Variants in ZEB1 observed in about 807,000 individuals in gnomAD.
ZEB1 encodes zinc finger E-box-binding homeobox 1.
Under a neutral mutation model 84.9 loss-of-function variants are expected in ZEB1, and 21 were observed. The observed-to-expected ratio is 0.25, with a 90% CI of 0.18 to 0.36. The LOEUF (loss-of-function observed/expected upper bound fraction) is 0.36, where lower values mean the gene tolerates loss of function less well. ZEB1 is among the 10% of genes least tolerant of loss of function. The pLI, the probability that ZEB1 is intolerant of heterozygous loss-of-function variation, is 1.00. For missense variants in ZEB1, 1,104 were observed against 1,330.2 expected, an observed-to-expected ratio of 0.83 and a Z score of 2.65; for synonymous variants, 420 against 471.1, an observed-to-expected ratio of 0.89 and a Z score of 1.41.
chr10:31,340,888 T>C (rs965844692), intron 1 of ZEB1, among the ~76,000 whole-genome samples: 2 of 151,008 alleles, frequency 1.3e-5, no homozygotes, highest in Admixed American at 6.6e-5. Flanking sequence ...AAGAGAGGAA[T>C]AGCCTAAAGG....
At chr10:31,504,628 T>G (rs2068660118) in intron 4 of ZEB1, among the ~76,000 whole-genome samples, 1 of 152,068 alleles carries the variant, frequency 6.6e-6, no homozygotes. Context: ...CTTCAATTTC[T>G]TTCATCAATA....
chr10:31,319,441 G>A, intron 1 of ZEB1, 149 bp downstream of exon 1: 1 of 728,956 alleles, frequency 1.4e-6, no homozygotes, highest in South Asian at 1.8e-5. Flanking sequence ...AGTGCTCTCT[G>A]CCCCCCTCCG....
In ZEB1 at chr10:31,517,403, G is replaced by T. The variant is rs534807576; in HGVS notation, c.793+2695G>T. Reference sequence around the variant, plus strand: ...AGAGACAAAAGAACACCTGCATATGGCTGTGGTCCACCCCCAAAAATAATT... The same window carrying T: ...AGAGACAAAAGAACACCTGCATATGTCTGTGGTCCACCCCCAAAAATAATT... On this transcript the variant is annotated intron_variant, in intron 6 of 8. Transcript: ENST00000424869. Among the ~76,000 whole-genome samples the T allele has an allele frequency of 2.6e-5, 4 of 151,804 alleles. No individual in the cohort carries two copies. In the East Asian group the frequency reaches 7.7e-4, roughly 29 times the overall value.
intron 1 of ZEB1, among the ~76,000 whole-genome samples, chr10:31,323,748 C>T (rs2034734890): frequency 1.3e-5 from 2 of 151,840 alleles, no homozygotes; most frequent in African/African-American, 4.8e-5. Flanking sequence ...ATTTTGTGTT[C>T]TTATAGGTAT....
intron 1 of ZEB1, among the ~76,000 whole-genome samples, chr10:31,422,997 G>A: frequency 6.6e-6 from 1 of 151,966 alleles, no homozygotes; most frequent in East Asian, 1.9e-4. Flanking sequence ...CAAAGGACAT[G>A]ATTTCATTCT....
intron 1 of ZEB1, chr10:31,320,688 G>A (rs1290845475): frequency 6.6e-6 from 1 of 152,200 alleles, no homozygotes; most frequent in African/African-American, 2.4e-5. Context: ...TTTCCAGTTT[G>A]GAGAGACGTT....
intron 1 of ZEB1, among the ~76,000 whole-genome samples, chr10:31,438,456 T>A (rs1172535523): frequency 6.6e-6 from 1 of 152,218 alleles, no homozygotes; most frequent in African/African-American, 2.4e-5. Context: ...CTTTCATTAT[T>A]CTTTAGATTT....
intron 6 of ZEB1, among the ~76,000 whole-genome samples, chr10:31,515,923 C>A (rs1176285756): frequency 6.6e-6 from 1 of 151,884 alleles, no homozygotes; most frequent in East Asian, 1.9e-4. Flanking sequence ...ATAGCTAATT[C>A]AAGAGGGATT....
At chr10:31,526,130 C>CT (rs1220338462) in intron 8 of ZEB1, among the ~76,000 whole-genome samples, 12 of 152,254 alleles carry the variant, frequency 7.9e-5, no homozygotes, top group Middle Eastern at 3.4e-3. Flanking sequence ...GCAAAAAAGT[C>CT]TGAGATACTA....
At chr10:31,515,616 T>C (rs1485878695) in intron 6 of ZEB1, among the ~76,000 whole-genome samples, 1 of 152,086 alleles carries the variant, frequency 6.6e-6, no homozygotes, top group Non-Finnish European at 1.5e-5. Context: ...GTTGATGATA[T>C]TTATGTTTTA....
chr10:31,452,742 T>TGTGTGTGAGAGAGAGAGA (rs1387786622), intron 1 of ZEB1, among the ~76,000 whole-genome samples: 8 of 90,810 alleles, frequency 8.8e-5, no homozygotes, highest in African/African-American at 2.0e-4. Flanking sequence ...TGTGTGTGTG[T>TGTGTGTGAGAGAGAGAGA]GAGAGAGAGA....
rs1356260880 is a variant in ZEB1 at position 31,528,412 on chromosome 10, C to CA, written c.*1149dup. ...TTTATCCATGTACTTGCATTTCAGA[C>CA]ATGGACATGCTATTGTTATTTGGCT... is the stretch of plus-strand genomic sequence containing the variant. On this transcript the variant is annotated 3_prime_UTR_variant, in exon 9 of 9. Transcript: ENST00000424869. The CA allele has an allele frequency of 2.6e-5, 4 of 152,184 alleles. No individual in the cohort carries two copies. Among genetic ancestry groups the CA allele is most frequent in the Admixed American group, 6.5e-5 (1 of 15,286 alleles). The allele number at this position is 152,184 out of a possible 1,614,324, so 9.4% of individuals were successfully genotyped here.
chr10:31,334,443 A>G (rs2037557766), intron 1 of ZEB1, among the ~76,000 whole-genome samples: 2 of 152,128 alleles, frequency 1.3e-5, no homozygotes, highest in Admixed American at 1.3e-4. Context: ...ATTGTACACG[A>G]CAACTTATGT....
intron 1 of ZEB1, among the ~76,000 whole-genome samples, chr10:31,390,737 G>A (rs1275866391): frequency 6.6e-6 from 1 of 152,092 alleles, no homozygotes; most frequent in Non-Finnish European, 1.5e-5. Flanking sequence ...CAGGGATTAG[G>A]CTTACTTCGT....
intron 4 of ZEB1, 140 bp downstream of exon 4, chr10:31,502,649 T>C: frequency 1.0e-6 from 1 of 996,360 alleles, no homozygotes; most frequent in South Asian, 1.4e-5. Context: ...GAGAGTAATC[T>C]GTTTTATTAA....
At chr10:31,513,518 A>G (rs2070489045) in intron 5 of ZEB1, among the ~76,000 whole-genome samples, 1 of 152,156 alleles carries the variant, frequency 6.6e-6, no homozygotes, top group Admixed American at 6.6e-5. Flanking sequence ...AGTCGCCACC[A>G]TATATTTGGT....
intron 2 of ZEB1, among the ~76,000 whole-genome samples, chr10:31,494,809 T>C (rs952499651): frequency 1.3e-5 from 2 of 152,070 alleles, no homozygotes; most frequent in Non-Finnish European, 2.9e-5. Flanking sequence ...GTCCAAAAAG[T>C]ATGCATTTAT....
chr10:31,484,761 G>T (rs183103574), intron 2 of ZEB1, among the ~76,000 whole-genome samples: 1 of 152,052 alleles, frequency 6.6e-6, no homozygotes, highest in Non-Finnish European at 1.5e-5. Context: ...AGGGTACACA[G>T]ATGACTGAAA....
At chr10:31,452,734 T>TGA (rs1446838539) in intron 1 of ZEB1, among the ~76,000 whole-genome samples, 7 of 110,982 alleles carry the variant, frequency 6.3e-5, no homozygotes, top group African/African-American at 2.7e-4. Flanking sequence ...TGTGTGTGTG[T>TGA]GTGTGTGTGA....
Sources: gnomAD v4.1 joint callset for allele counts (sites outside exome capture counted in the v4.1 genomes callset) on GRCh38, gnomAD v4.1.1 for gene constraint, MANE v1.5 for transcripts, NCBI Gene and HGNC (gene_info 2026-07-23, HGNC 2026-07-21) for gene names.